The following HMGXB3 variants were observed in gnomAD, a reference collection of about 807,000 sequenced individuals.
The protein encoded by HMGXB3 is HMG-box containing 3.
Under a neutral mutation model 121.5 loss-of-function variants are expected in HMGXB3, and 45 were observed. The ratio of observed to expected loss-of-function variants is 0.37; its 90% CI spans 0.29 to 0.47. The LOEUF (loss-of-function observed/expected upper bound fraction) is 0.47, where lower values mean the gene tolerates loss of function less well. Among genes scored for constraint, HMGXB3 ranks in the 20% least tolerant of loss-of-function variants. HMGXB3 has a pLI of 0.99. For missense variants in HMGXB3, 1,376 were observed against 1,602.2 expected, an observed-to-expected ratio of 0.86 and a Z score of 2.41; for synonymous variants, 590 against 624.1, an observed-to-expected ratio of 0.95 and a Z score of 0.81.
At position 150,050,429 on chromosome 5, in the gene HMGXB3, G is replaced by A. The variant is rs1473320107; in HGVS notation, c.3379G>A (p.Gly1127Ser). 2.6e-6 allele frequency: 4 copies of A among 1,551,624 alleles called. No individual in the cohort carries two copies. Among genetic ancestry groups the A allele is most frequent in the Non-Finnish European group, 3.5e-6 (4 of 1,146,910 alleles). ...LTNQMWGRNQ[G>S]CFSSPTEPPV... ...TAACCAGATGTGGGGGAGGAACCAG[G>A]GCTGTTTCTCTAGCCCCACAGAGCC... The change falls in exon 19 of 20, where the codon GGC becomes AGC. Residue 1127 changes from glycine (G) to serine (S), a missense_variant. Around this residue, in one of 2 missense-constraint regions of HMGXB3, gnomAD observed 260 missense variants for 233.2 expected, o/e 1.11. Coordinates refer to ENST00000502717, the MANE Select transcript of HMGXB3 (RefSeq NM_014983.3).
intron 7 of HMGXB3, among the ~76,000 whole-genome samples, chr5:150,026,176 G>C (rs771165727): frequency 1.3e-5 from 2 of 152,094 alleles, no homozygotes; most frequent in Non-Finnish European, 2.9e-5. Flanking sequence ...ATACTTTGGC[G>C]ATGGTTTTGT....
At chr5:150,007,097 C>T (rs1002774604) in intron 3 of HMGXB3, among the ~76,000 whole-genome samples, 1 of 152,172 alleles carries the variant, frequency 6.6e-6, no homozygotes, top group Non-Finnish European at 1.5e-5. Flanking sequence ...GATAGAGCTG[C>T]TTGTGTAATA....
intron 5 of HMGXB3, among the ~76,000 whole-genome samples, chr5:150,016,306 A>G (rs1001274580): frequency 1.4e-5 from 2 of 148,020 alleles, no homozygotes; most frequent in African/African-American, 5.0e-5. Context: ...GTGCCACTGC[A>G]CTGTAGCCTG....
chr5:150,050,349 T>C lies in HMGXB3; in HGVS notation c.3299T>C (p.Val1100Ala), dbSNP rs1756861952. The change falls in exon 19 of 20, where the codon GTA (valine) becomes GCA (alanine). Residue 1100 changes from valine to alanine, a missense_variant. By Grantham distance (64) the Val-to-Ala change is moderately conservative (BLOSUM62 0). Coordinates refer to ENST00000502717, the MANE Select transcript of HMGXB3 (RefSeq NM_014983.3). ...CGCCACTGGCCGCCTGTCTATGTGG[T>C]AGATATGGCCACGTCAGTGGCCCTG... The part of the protein sequence containing the change: ...SSRHWPPVYV[V>A]DMATSVALCA... 6.4e-7 allele frequency: 1 copy of C among 1,551,742 alleles called. No individual in the cohort carries two copies. The highest frequency in any genetic ancestry group is 1.2e-5 in the South Asian group (1 of 84,064).
chr5:150,022,632 C>T (rs1756126241), intron 6 of HMGXB3, among the ~76,000 whole-genome samples: 1 of 152,058 alleles, frequency 6.6e-6, no homozygotes, highest in Non-Finnish European at 1.5e-5. Flanking sequence ...GCTCAAAAAT[C>T]TTATCTCAAA....
chr5:150,021,971 C>G, intron 6 of HMGXB3: 1 of 432,776 alleles, frequency 2.3e-6, no homozygotes, highest in South Asian at 1.7e-5. Context: ...GAGAGAACAG[C>G]GGTGAGTCAG....
chr5:150,014,077 A>G (rs1755904718), intron 5 of HMGXB3, among the ~76,000 whole-genome samples: 1 of 152,276 alleles, frequency 6.6e-6, no homozygotes, highest in African/African-American at 2.4e-5. Context: ...GGAAAAATTC[A>G]GGGTGCTAAA....
At chr5:150,027,198 A>G in intron 9 of HMGXB3, 81 bp downstream of exon 9, 1 of 1,074,202 alleles carries the variant, frequency 9.3e-7, no homozygotes. Context: ...AGGTAAAGGC[A>G]CATCCCATTT....
intron 10 of HMGXB3, among the ~76,000 whole-genome samples, chr5:150,031,040 T>C (rs755394408): frequency 1.3e-5 from 2 of 152,186 alleles, no homozygotes; most frequent in Non-Finnish European, 2.9e-5. Context: ...TTTGGTCTCT[T>C]TCCAGGTGAG....
intron 6 of HMGXB3, among the ~76,000 whole-genome samples, chr5:150,020,265 G>A (rs1756057343): frequency 6.6e-6 from 1 of 152,186 alleles, no homozygotes; most frequent in African/African-American, 2.4e-5. Flanking sequence ...CTCACAGGGG[G>A]TTTTGTCTAA....
At chr5:150,004,016 T>C (rs1268994296) in intron 1 of HMGXB3, among the ~76,000 whole-genome samples, 1 of 152,046 alleles carries the variant, frequency 6.6e-6, no homozygotes, top group African/African-American at 2.4e-5. Context: ...ATTTTCTTTT[T>C]TTTTTTTTAA....
At chr5:150,045,737 C>G in intron 16 of HMGXB3, 52 bp downstream of exon 16, 1 of 1,405,742 alleles carries the variant, frequency 7.1e-7, no homozygotes, top group Non-Finnish European at 9.9e-7. Context: ...AGTCAAGAGT[C>G]TGGGACATTG....
At position 150,003,126 on chromosome 5, in the gene HMGXB3, G is replaced by A. The variant is rs148388826; in HGVS notation, c.-2-1725G>A. 1.0e-3 allele frequency among the ~76,000 whole-genome samples: 153 copies of A among 152,332 alleles called. 2 individuals are homozygous for A. Among genetic ancestry groups the A allele is most frequent in the African/African-American group, 3.5e-3 (146 of 41,570 alleles). On this transcript the variant is annotated intron_variant, in intron 1 of 19. Transcript: ENST00000502717. Reference sequence around the variant, plus strand: ...TCACTGCACTGCAGCCCAGGGGACAGAGTGAGACCTTGTCTTAAAAATAAA... The same window carrying A: ...TCACTGCACTGCAGCCCAGGGGACAAAGTGAGACCTTGTCTTAAAAATAAA...
chr5:150,030,067 A>G (rs1756336262), intron 9 of HMGXB3, among the ~76,000 whole-genome samples: 1 of 152,264 alleles, frequency 6.6e-6, no homozygotes. Flanking sequence ...AAAGAGGTAC[A>G]TGAGATATTC....
intron 5 of HMGXB3, 101 bp downstream of exon 5, chr5:150,012,454 G>A: frequency 1.3e-6 from 1 of 786,256 alleles, no homozygotes; most frequent in Non-Finnish European, 2.2e-6. Context: ...CCAGTTGTAG[G>A]ACCAAGAAGA....
Position 150,035,612 on chromosome 5 carries a change from A to C in HMGXB3, c.1984-1024A>C, listed in dbSNP as rs530998787. On this transcript the variant is annotated intron_variant, in intron 11 of 19. Transcript: ENST00000502717. ...TGGTTGGGAATCAGTAAATAAGCAG[A>C]ATCCTACCCTTACTGAAGCGGGGAG... is the stretch of plus-strand genomic sequence containing the variant. 1.8e-4 allele frequency among the ~76,000 whole-genome samples: 28 copies of C among 152,276 alleles called. 1 individual carries two copies. In the South Asian group the frequency reaches 5.8e-3, roughly 32 times the overall value.
Position 150,039,032 on chromosome 5 carries a change from C to G in HMGXB3, c.2413+1505C>G, listed in dbSNP as rs550861118. ...TAAGAAAACTGCATTACCAAAGTGG[C>G]TGTACCATTTTGCATTCCTTCCCAC... On this transcript the variant is annotated intron_variant, in intron 13 of 19. Coordinates refer to ENST00000502717, the MANE Select transcript of HMGXB3 (RefSeq NM_014983.3). Among the ~76,000 whole-genome samples the G allele has an allele frequency of 2.6e-5, 4 of 152,332 alleles. No homozygotes were observed. The East Asian group carries it at 7.7e-4, about 29-fold the overall frequency.
intron 11 of HMGXB3, 44 bp from the exon 12 acceptor site, chr5:150,036,592 C>G (rs1756505055): frequency 1.4e-6 from 2 of 1,466,640 alleles, no homozygotes; most frequent in Admixed American, 2.5e-5. Flanking sequence ...GAAGCTGGCT[C>G]TTTCTGCTCT....
Position 150,010,261 on chromosome 5 carries a change from C to A in HMGXB3, c.463C>A (p.Gln155Lys). The A allele has an allele frequency of 6.4e-7, 1 of 1,551,790 alleles. No individual in the cohort carries two copies. The highest frequency in any genetic ancestry group is 8.7e-7 in the Non-Finnish European group (1 of 1,147,022). The change falls in exon 4 of 20, where the codon CAG (glutamine) becomes AAG (lysine). Residue 155 changes from glutamine to lysine, a missense_variant. This residue lies in a region of HMGXB3 where 1,116 missense variants were observed against 1,369.0 expected (regional missense o/e 0.82). Coordinates refer to ENST00000502717, the MANE Select transcript of HMGXB3 (RefSeq NM_014983.3). ...GCTAGAGCTATGTGTGGCTCAGAAC[C>A]AGATGTCCCCGAAAGGACCTCCTCT... ...PQLELCVAQN[Q>K]MSPKGPPLVS...
Sources: allele counts gnomAD v4.1 joint callset (sites outside exome capture counted in the v4.1 genomes callset), GRCh38; gene constraint gnomAD v4.1.1; regional missense constraint gnomAD v4.1.1; transcripts MANE v1.5; gene names NCBI Gene and HGNC (gene_info 2026-07-23, HGNC 2026-07-21).